The following RNF150 variants were observed in gnomAD, a reference collection of about 807,000 sequenced individuals.
The protein encoded by RNF150 is ring finger protein 150.
Under a neutral mutation model 39.3 loss-of-function variants are expected in RNF150, and 24 were observed. The observed-to-expected ratio is 0.61, with a 90% CI of 0.44 to 0.86. The LOEUF is 0.86. Ranked by LOEUF, RNF150 falls within the 40% of genes least tolerant of loss-of-function variation. RNF150 has a pLI of 0.00. For missense variants in RNF150, 502 were observed against 587.8 expected (o/e 0.85, Z 1.51); for synonymous variants, 255 against 227.3 (o/e 1.12, Z -1.10).
At chr4:140,938,512 C>G (rs2321685) in intron 4 of RNF150, among the ~76,000 whole-genome samples, 87,996 of 151,838 alleles carry the variant, frequency 0.58, 26,145 homozygotes, top group Non-Finnish European at 0.64. Flanking sequence ...CTACCAGGGG[C>G]GTTTCCGTCC....
chr4:140,941,890 A>G (rs1174581619), intron 4 of RNF150, among the ~76,000 whole-genome samples: 1 of 152,184 alleles, frequency 6.6e-6, no homozygotes, highest in Non-Finnish European at 1.5e-5. Context: ...GCCAACTTTA[A>G]TTTCATTCTT....
chr4:141,185,441 G>C (rs893685120), intron 1 of RNF150, among the ~76,000 whole-genome samples: 12 of 151,822 alleles, frequency 7.9e-5, no homozygotes, highest in African/African-American at 2.9e-4. Context: ...TGAGACAATG[G>C]GTTTTTCTAA....
chr4:140,875,500 TCTTAA>T (rs1469726827), intron 6 of RNF150, among the ~76,000 whole-genome samples: 2 of 152,134 alleles, frequency 1.3e-5, no homozygotes, highest in Non-Finnish European at 2.9e-5. Flanking sequence ...GAGTTGAGAT[TCTTAA>T]CTTAAGGATT....
At chr4:141,028,609 T>A (rs1638964567) in intron 1 of RNF150, among the ~76,000 whole-genome samples, 1 of 152,188 alleles carries the variant, frequency 6.6e-6, no homozygotes, top group Admixed American at 6.5e-5. Flanking sequence ...GTAGTATGTA[T>A]CATGTTCTTT....
intron 6 of RNF150, among the ~76,000 whole-genome samples, chr4:140,890,371 G>C (rs1729716564): frequency 6.6e-6 from 1 of 152,058 alleles, no homozygotes; most frequent in Admixed American, 6.6e-5. Context: ...GAAACCTTTA[G>C]GTTATTTACA....
At chr4:141,064,018 G>C (rs928589964) in intron 1 of RNF150, among the ~76,000 whole-genome samples, 1 of 148,320 alleles carries the variant, frequency 6.7e-6, no homozygotes, top group African/African-American at 2.5e-5. Context: ...AGGACTGATG[G>C]CTTCATAAAC....
chr4:141,065,550 T>C (rs1176827625), intron 1 of RNF150, among the ~76,000 whole-genome samples: 1 of 53,200 alleles, frequency 1.9e-5, no homozygotes, highest in Non-Finnish European at 5.1e-5. Context: ...TTTTATTTAT[T>C]TGTAATTTTT....
intron 1 of RNF150, among the ~76,000 whole-genome samples, chr4:141,033,322 T>C (rs1736023195): frequency 6.6e-6 from 1 of 152,192 alleles, no homozygotes; most frequent in Non-Finnish European, 1.5e-5. Flanking sequence ...TCCATTAAAG[T>C]TTTATCAGGA....
At chr4:140,872,676 TA>T (rs906635630) in intron 6 of RNF150, among the ~76,000 whole-genome samples, 7 of 152,104 alleles carry the variant, frequency 4.6e-5, no homozygotes, top group African/African-American at 1.7e-4. Context: ...CCAAGGGCAG[TA>T]AAAGAGGAGA....
intron 1 of RNF150, among the ~76,000 whole-genome samples, chr4:140,969,925 T>C (rs572722897): frequency 1.3e-5 from 2 of 151,892 alleles, no homozygotes; most frequent in South Asian, 4.2e-4. Flanking sequence ...CATCATGCCT[T>C]GCTAATTTTT....
intron 6 of RNF150, among the ~76,000 whole-genome samples, chr4:140,906,783 A>G (rs984839): frequency 0.98 from 149,913 of 152,270 alleles, 73,850 homozygotes; most frequent in East Asian, 1. Flanking sequence ...TCTTGATTCC[A>G]CCATTCCCAC....
chr4:141,047,405 T>C (rs1036349665), intron 1 of RNF150, among the ~76,000 whole-genome samples: 2 of 152,132 alleles, frequency 1.3e-5, no homozygotes, highest in Admixed American at 1.3e-4. Flanking sequence ...ATCAAGAATC[T>C]GGTCGTGTGT....
At chr4:141,090,811 GTT>G (rs1020478118) in intron 1 of RNF150, among the ~76,000 whole-genome samples, 1 of 151,298 alleles carries the variant, frequency 6.6e-6, no homozygotes, top group African/African-American at 2.4e-5. Flanking sequence ...TTTTTGTTTT[GTT>G]TTTTTTTCCA....
At chr4:141,174,118 G>A (rs982878031) in intron 1 of RNF150, among the ~76,000 whole-genome samples, 1 of 152,216 alleles carries the variant, frequency 6.6e-6, no homozygotes, top group African/African-American at 2.4e-5. Context: ...TTGGGCATAT[G>A]CTACCCAAAA....
intron 1 of RNF150, among the ~76,000 whole-genome samples, chr4:141,091,776 C>A (rs773293740): frequency 3.9e-5 from 6 of 152,092 alleles, no homozygotes; most frequent in South Asian, 4.1e-4. Context: ...ATAAGACAGA[C>A]CCACTGACTC....
intron 2 of RNF150, among the ~76,000 whole-genome samples, chr4:140,962,321 G>C (rs1014677146): frequency 6.6e-6 from 1 of 151,598 alleles, no homozygotes; most frequent in Non-Finnish European, 1.5e-5. Context: ...CTGTTCCTCA[G>C]TTACTAGCCA....
At chr4:141,171,407 C>T (rs559103435) in intron 1 of RNF150, among the ~76,000 whole-genome samples, 5 of 151,430 alleles carry the variant, frequency 3.3e-5, no homozygotes, top group East Asian at 2.0e-4. Flanking sequence ...ATTTTCTCTG[C>T]GTGTGTGTGT....
chr4:140,959,665 A>T (rs1333977118), intron 2 of RNF150, among the ~76,000 whole-genome samples: 1 of 152,142 alleles, frequency 6.6e-6, no homozygotes. Flanking sequence ...ACAGGGAAGC[A>T]ATGGCTCCAC....
chr4:141,154,789 A>G (rs1560761763), intron 1 of RNF150, among the ~76,000 whole-genome samples: 1 of 152,210 alleles, frequency 6.6e-6, no homozygotes, highest in African/African-American at 2.4e-5. Flanking sequence ...ATTGGTAGAG[A>G]TGAGGAAAAG....
Sources: allele counts gnomAD v4.1 joint callset (sites outside exome capture counted in the v4.1 genomes callset), GRCh38; gene constraint gnomAD v4.1.1; transcripts MANE v1.5; gene names NCBI Gene and HGNC (gene_info 2026-07-23, HGNC 2026-07-21).